SGCZ: variants seen among roughly 807,000 people sequenced by gnomAD.
SGCZ encodes the protein sarcoglycan zeta, also known as zeta-sarcoglycan.
In SGCZ, 40 loss-of-function variants were observed where a neutral mutation model predicts 41.3. The observed-to-expected ratio is 0.97, with a 90% CI of 0.75 to 1.26. The LOEUF (loss-of-function observed/expected upper bound fraction) is 1.26, where lower values mean the gene tolerates loss of function less well. Among genes scored for constraint, SGCZ ranks in the 50% most tolerant of loss-of-function variants. The probability of loss-of-function intolerance (pLI) is 0.00; values close to 1 mark genes in which losing one functional copy is unlikely to be tolerated. For missense variants in SGCZ, 552 were observed against 369.8 expected (o/e 1.49, Z -4.04); for synonymous variants, 206 against 137.5 (o/e 1.50, Z -3.49).
intron 1 of SGCZ, among the ~76,000 whole-genome samples, chr8:14,643,493 A>G (rs1807093933): frequency 6.6e-6 from 1 of 151,584 alleles, no homozygotes; most frequent in Non-Finnish European, 1.5e-5. Context: ...ATTATGTGGA[A>G]TGAGCAGATG....
chr8:14,410,688 G>C (rs1054319620), intron 2 of SGCZ, among the ~76,000 whole-genome samples: 1 of 152,076 alleles, frequency 6.6e-6, no homozygotes, highest in African/African-American at 2.4e-5. Context: ...ATGATGGGTT[G>C]ATAGCTGCAG....
intron 2 of SGCZ, among the ~76,000 whole-genome samples, chr8:14,520,215 A>AT (rs1563382360): frequency 6.6e-6 from 1 of 152,078 alleles, no homozygotes. Flanking sequence ...ACAAAATATT[A>AT]TTTTTTCTCA....
chr8:14,576,569 T>C (rs1296101622), intron 1 of SGCZ, among the ~76,000 whole-genome samples: 1 of 152,234 alleles, frequency 6.6e-6, no homozygotes, highest in East Asian at 1.9e-4. Context: ...ATTGATTTTA[T>C]ATCCCTGATG....
intron 2 of SGCZ, among the ~76,000 whole-genome samples, chr8:14,396,581 A>G (rs1353678369): frequency 6.6e-6 from 1 of 152,016 alleles, no homozygotes; most frequent in Non-Finnish European, 1.5e-5. Flanking sequence ...GGTGCTAGGG[A>G]TATAATGGAC....
intron 5 of SGCZ, among the ~76,000 whole-genome samples, chr8:14,110,365 T>G (rs2117008555): frequency 6.6e-6 from 1 of 152,244 alleles, no homozygotes; most frequent in South Asian, 2.1e-4. Context: ...CGGTAATATT[T>G]ACTTTCAAAT....
chr8:15,172,228 C>G (rs1261771650), intron 1 of SGCZ, among the ~76,000 whole-genome samples: 1 of 129,860 alleles, frequency 7.7e-6, no homozygotes, highest in African/African-American at 3.0e-5. Flanking sequence ...GTGGCGCGAT[C>G]TCGACTCACT....
At chr8:14,346,189 T>C (rs1318085461) in intron 2 of SGCZ, among the ~76,000 whole-genome samples, 2 of 152,030 alleles carry the variant, frequency 1.3e-5, no homozygotes, top group East Asian at 1.9e-4. Flanking sequence ...TAGGAGAAAC[T>C]GGGGTTGTGG....
chr8:14,467,949 G>A (rs1801099792), intron 2 of SGCZ, among the ~76,000 whole-genome samples: 1 of 151,670 alleles, frequency 6.6e-6, no homozygotes, highest in South Asian at 2.1e-4. Context: ...ATATTATTTT[G>A]AAACAAATAA....
chr8:14,904,056 A>T (rs1184655712), intron 1 of SGCZ, among the ~76,000 whole-genome samples: 1 of 152,098 alleles, frequency 6.6e-6, no homozygotes, highest in Admixed American at 6.6e-5. Flanking sequence ...TAAGGTATTA[A>T]CTTGTTGATA....
At chr8:15,117,708 C>T (rs1034087704) in intron 1 of SGCZ, among the ~76,000 whole-genome samples, 1 of 152,126 alleles carries the variant, frequency 6.6e-6, no homozygotes, top group African/African-American at 2.4e-5. Flanking sequence ...TATTATTTTC[C>T]ATATTCCCCT....
chr8:14,623,192 A>T (rs189855332), intron 1 of SGCZ, among the ~76,000 whole-genome samples: 1 of 152,344 alleles, frequency 6.6e-6, no homozygotes, highest in African/African-American at 2.4e-5. Flanking sequence ...GAAATAACCA[A>T]TCAAGATGAA....
intron 1 of SGCZ, among the ~76,000 whole-genome samples, chr8:14,995,893 G>A (rs1802198587): frequency 6.6e-6 from 1 of 151,916 alleles, no homozygotes; most frequent in Admixed American, 6.6e-5. Context: ...CTCTTAAGAG[G>A]TCAGCACCAT....
At chr8:15,231,897 C>T (rs978093541) in intron 1 of SGCZ, among the ~76,000 whole-genome samples, 2 of 152,124 alleles carry the variant, frequency 1.3e-5, no homozygotes, top group African/African-American at 4.8e-5. Context: ...GTTGGGATTA[C>T]AGGCGTGAGC....
chr8:15,142,450 C>A (rs537742474), intron 1 of SGCZ, among the ~76,000 whole-genome samples: 1 of 152,190 alleles, frequency 6.6e-6, no homozygotes, highest in African/African-American at 2.4e-5. Flanking sequence ...CAGAATGTTT[C>A]TTTCAAGTCC....
intron 4 of SGCZ, among the ~76,000 whole-genome samples, chr8:14,180,297 C>T (rs1045861675): frequency 1.2e-4 from 18 of 152,116 alleles, no homozygotes; most frequent in African/African-American, 4.3e-4. Context: ...TTATCTATAA[C>T]AAAGGAGTGT....
intron 1 of SGCZ, among the ~76,000 whole-genome samples, chr8:15,054,756 C>A (rs1367957915): frequency 4.0e-5 from 6 of 151,676 alleles, no homozygotes; most frequent in African/African-American, 9.7e-5. Context: ...AGATCAAGAC[C>A]ATCCTGGCTA....
chr8:15,037,060 T>G (rs1053615874), intron 1 of SGCZ, among the ~76,000 whole-genome samples: 8 of 152,182 alleles, frequency 5.3e-5, no homozygotes, highest in Admixed American at 4.6e-4. Flanking sequence ...TGATACAAAC[T>G]CTTGATTAAT....
chr8:14,676,788 T>C (rs1171675613), intron 1 of SGCZ, among the ~76,000 whole-genome samples: 1 of 152,116 alleles, frequency 6.6e-6, no homozygotes, highest in Non-Finnish European at 1.5e-5. Context: ...GAAAAAGCTC[T>C]TAGAAAACAA....
intron 1 of SGCZ, among the ~76,000 whole-genome samples, chr8:14,801,842 G>A (rs183348288): frequency 6.6e-6 from 1 of 152,094 alleles, no homozygotes; most frequent in South Asian, 2.1e-4. Flanking sequence ...CAAGAGGATG[G>A]TTAGAAAAGC....
Sources: gnomAD v4.1 joint callset for allele counts (sites outside exome capture counted in the v4.1 genomes callset) on GRCh38, gnomAD v4.1.1 for gene constraint, MANE v1.5 for transcripts, NCBI Gene and HGNC (gene_info 2026-07-23, HGNC 2026-07-21) for gene names.